BLM: variants seen among roughly 807,000 people sequenced by gnomAD.
BLM encodes the protein BLM RecQ like helicase.
BLM carries 95 observed loss-of-function variants against 135.3 expected under a neutral mutation model. That is an observed-to-expected ratio of 0.70 (90% confidence interval 0.59 to 0.83). BLM has a LOEUF of 0.83. Among genes scored for constraint, BLM ranks in the 40% least tolerant of loss-of-function variants. The pLI, the probability that BLM is intolerant of heterozygous loss-of-function variation, is 0.00. For missense variants in BLM, 1,518 were observed against 1,663.9 expected, an observed-to-expected ratio of 0.91 and a Z score of 1.53; for synonymous variants, 520 against 589.2, an observed-to-expected ratio of 0.88 and a Z score of 1.70.
At chr15:90,765,268 CAG>C in intron 8 of BLM, 26 bp from the exon 9 acceptor site, 1 of 1,498,850 alleles carries the variant, frequency 6.7e-7, no homozygotes, top group Non-Finnish European at 9.3e-7. Context: ...CAGAACCTGA[CAG>C]ATATTTTTTC....
At chr15:90,771,595 ATTT>A (rs760752305) in intron 12 of BLM, among the ~76,000 whole-genome samples, 36 of 125,262 alleles carry the variant, frequency 2.9e-4, no homozygotes, top group Admixed American at 8.0e-4. Flanking sequence ...TTGATCTATA[ATTT>A]TTTTTTTTTT....
chr15:90,743,981 A>G (rs1428890327), intron 1 of BLM, among the ~76,000 whole-genome samples: 1 of 152,216 alleles, frequency 6.6e-6, no homozygotes, highest in Non-Finnish European at 1.5e-5. Context: ...TGTAATCACT[A>G]CAGTTATAAA....
intron 4 of BLM, among the ~76,000 whole-genome samples, chr15:90,754,249 A>G (rs1156825455): frequency 6.6e-6 from 1 of 152,222 alleles, no homozygotes; most frequent in Non-Finnish European, 1.5e-5. Context: ...TTTCTATGTA[A>G]TCAGACTGAC....
At position 90,742,712 on chromosome 15, in the gene BLM, G is replaced by A. The variant is rs573013764; in HGVS notation, c.-4-4677G>A. On this transcript the variant is annotated intron_variant, in intron 1 of 21. Coordinates refer to ENST00000355112, the MANE Select transcript of BLM (RefSeq NM_000057.4). ...TGCAGTGGGGTGATCATGGCTCACT[G>A]AAACCTCGACCTCCCGGGCTCAAAT... Among the ~76,000 whole-genome samples, 25 of 151,770 alleles carry A rather than the reference G, an allele frequency of 1.6e-4. No individual in the cohort carries two copies. The South Asian group carries it at 5.2e-3, about 32-fold the overall frequency.
intron 12 of BLM, among the ~76,000 whole-genome samples, chr15:90,771,085 G>A (rs2151167944): frequency 6.6e-6 from 1 of 151,666 alleles, no homozygotes; most frequent in East Asian, 1.9e-4. Flanking sequence ...CACAAAGTTT[G>A]GAATGGAATA....
Position 90,723,254 on chromosome 15 carries a change from G to A in BLM, c.-5+5814G>A, listed in dbSNP as rs1411908003. ...GCCTGGTTTTGAGCTCTGTAAATGG[G>A]ATAATACTATATGCATTCTACTGAG... On this transcript the variant is annotated intron_variant, in intron 1 of 21. Transcript: ENST00000355112. Among the ~76,000 whole-genome samples the A allele has an allele frequency of 3.9e-5, 6 of 152,056 alleles. No individual in the cohort carries two copies. In the East Asian group the frequency reaches 1.2e-3, roughly 29 times the overall value.
intron 14 of BLM, among the ~76,000 whole-genome samples, chr15:90,789,302 C>T (rs1164177772): frequency 6.6e-5 from 10 of 152,082 alleles, no homozygotes. Context: ...TTAAACAAAG[C>T]CACTTTTCCC....
intron 9 of BLM, among the ~76,000 whole-genome samples, chr15:90,766,068 C>T (rs1896117618): frequency 6.6e-6 from 1 of 152,168 alleles, no homozygotes; most frequent in African/African-American, 2.4e-5. Context: ...ATGATCATGC[C>T]ACTACAATCT....
At chr15:90,744,441 C>T (rs988339310) in intron 1 of BLM, among the ~76,000 whole-genome samples, 4 of 152,066 alleles carry the variant, frequency 2.6e-5, no homozygotes, top group South Asian at 2.1e-4. Context: ...GGCACAATCT[C>T]GGTTCACTGC....
intron 1 of BLM, among the ~76,000 whole-genome samples, chr15:90,722,090 GC>G (rs1170797335): frequency 6.6e-6 from 1 of 151,946 alleles, no homozygotes; most frequent in Non-Finnish European, 1.5e-5. Flanking sequence ...TTCGAGACCA[GC>G]CTGGCCAACA....
At chr15:90,779,950 GT>G (rs1188790042) in intron 12 of BLM, among the ~76,000 whole-genome samples, 1 of 152,084 alleles carries the variant, frequency 6.6e-6, no homozygotes, top group East Asian at 1.9e-4. Flanking sequence ...TGTCCTGGAG[GT>G]TTTTACATCC....
chr15:90,730,990 G>A (rs760343100), intron 1 of BLM, among the ~76,000 whole-genome samples: 1 of 151,962 alleles, frequency 6.6e-6, no homozygotes, highest in Non-Finnish European at 1.5e-5. Flanking sequence ...CTGTTACCCA[G>A]GCTGGAGTGC....
chr15:90,720,235 A>G (rs113410993), intron 1 of BLM, among the ~76,000 whole-genome samples: 2,444 of 152,316 alleles, frequency 0.016, 70 homozygotes, highest in African/African-American at 0.055. Flanking sequence ...TTCAGTGCCT[A>G]CCATGATGCC....
At position 90,784,984 on chromosome 15, in the gene BLM, A is replaced by C. The variant is rs770627241; in HGVS notation, c.2726A>C (p.Gln909Pro). 2 of 1,614,196 alleles carry C rather than the reference A, an allele frequency of 1.2e-6. No individual in the cohort carries two copies. The highest frequency in any genetic ancestry group is 8.5e-7 in the Non-Finnish European group (1 of 1,180,018). Residue 909 changes from glutamine (Q) to proline (P), a missense_variant, in exon 14 of 22, where the codon CAG becomes CCG. This residue lies in a region of BLM where 626 missense variants were observed against 681.1 expected (regional missense o/e 0.92). Transcript: ENST00000355112. ...TGTGACACCATGGCTGACACGTTAC[A>C]GAGAGATGGGCTCGCTGCTCTTGCT... ...RECDTMADTL[Q>P]RDGLAALAYH...
At chr15:90,751,215 C>T (rs1426764440) in intron 3 of BLM, among the ~76,000 whole-genome samples, 1 of 152,056 alleles carries the variant, frequency 6.6e-6, no homozygotes, top group African/African-American at 2.4e-5. Flanking sequence ...CCCCTGAATC[C>T]CATTAAGGTT....
intron 5 of BLM, among the ~76,000 whole-genome samples, chr15:90,755,463 T>G (rs945413083): frequency 2.0e-5 from 3 of 152,192 alleles, no homozygotes; most frequent in African/African-American, 7.2e-5. Context: ...GCTAAATACT[T>G]GTTTGCTTGT....
intron 4 of BLM, 131 bp downstream of exon 4, chr15:90,752,077 GCCTCAAAAAAAAAC>G: frequency 1.1e-6 from 1 of 899,326 alleles, no homozygotes; most frequent in East Asian, 2.8e-5. Context: ...TCAAGTGAAA[GCCTCAAAAAAAAAC>G]CCTGTTTATA....
rs1897214154 is a variant in BLM, at chr15:90,803,579, A to T, written c.3417A>T (p.Arg1139=). The T allele has an allele frequency of 6.2e-7, 1 of 1,614,012 alleles. No individual in the cohort carries two copies. The highest frequency in any genetic ancestry group is 2.2e-5 in the East Asian group (1 of 44,868). The change falls in exon 18 of 22, where the codon CGA becomes CGT. Residue 1139 remains arginine (R), a synonymous_variant. Coordinates refer to ENST00000355112, the MANE Select transcript of BLM (RefSeq NM_000057.4). ...TTGGAAAAGGATCTGCTTATTCACG[A>T]CACAATGCCGAAAGACTTTTTAAAA... ...GIFGKGSAYS[R]HNAERLFKKL... is the part of the protein sequence containing the mutation.
Position 90,814,171 on chromosome 15 carries a change from C to T in BLM, c.4077-931C>T, listed in dbSNP as rs556033722. 1.5e-4 allele frequency among the ~76,000 whole-genome samples: 23 copies of T among 152,304 alleles called. No homozygotes were observed. The South Asian group carries it at 4.4e-3, about 29-fold the overall frequency. The stretch of plus-strand genomic sequence containing the variant: ...ATGGAGCTCCATCAGAATGTCATTA[C>T]CCACAGGCTGTGGCCCTATACCCTC... On this transcript the variant is annotated intron_variant, in intron 21 of 21. Coordinates refer to ENST00000355112, the MANE Select transcript of BLM (RefSeq NM_000057.4).
Sources: gnomAD v4.1 joint callset for allele counts (sites outside exome capture counted in the v4.1 genomes callset) on GRCh38, gnomAD v4.1.1 for gene constraint, gnomAD v4.1.1 regional missense constraint, MANE v1.5 for transcripts, NCBI Gene and HGNC (gene_info 2026-07-23, HGNC 2026-07-21) for gene names.